Variants in ATP5F1B observed in about 807,000 individuals in gnomAD.
The protein encoded by ATP5F1B is ATP synthase F(1) complex subunit beta, mitochondrial.
A neutral mutation model predicts 45.9 loss-of-function variants in ATP5F1B; 17 were observed. That is an observed-to-expected ratio of 0.37 (90% CI 0.25 to 0.56). The LOEUF (loss-of-function observed/expected upper bound fraction) is 0.56, where lower values mean the gene tolerates loss of function less well. ATP5F1B is among the 20% of genes least tolerant of loss of function. The pLI is 0.80. For synonymous variants in ATP5F1B, 218 were observed against 256.5 expected (o/e 0.85, Z 1.43); for missense variants, 387 against 673.2 (o/e 0.57, Z 4.70).
chr12:56,644,998 T>A (rs780549377), intron 2 of ATP5F1B, 43 bp from the exon 3 acceptor site: 1 of 1,613,946 alleles, frequency 6.2e-7, no homozygotes, highest in East Asian at 2.2e-5. Context: ...AAGGATAAAT[T>A]GGTATCAAGA....
intron 1 of ATP5F1B, 43 bp downstream of exon 1, chr12:56,645,794 G>C (rs752067018): frequency 3.8e-6 from 6 of 1,595,882 alleles, no homozygotes; most frequent in Non-Finnish European, 4.3e-6. Context: ...CAAGGTCATG[G>C]GGCGGCAAAA....
At position 56,645,878 on chromosome 12, in the gene ATP5F1B, G is replaced by A. The variant is rs749478722; in HGVS notation, c.86C>T (p.Ala29Val). The A allele has an allele frequency of 4.7e-5, 76 of 1,608,762 alleles. No homozygotes were observed. In the East Asian group the frequency reaches 6.3e-4, roughly 13 times the overall value. The change falls in exon 1 of 10, where the codon GCT (alanine) becomes GTT (valine). Residue 29 changes from alanine to valine, a missense_variant. Transcript: ENST00000262030. The part of the protein sequence containing the change: ...RLTPSASLPP[A>V]QLLLRAAPTA... ...CGGAGCGGCCCGCAGTAAGAGCTGA[G>A]CTGGGGGCAGCGACGCTGAAGGGGT... is the stretch of plus-strand genomic sequence containing the variant.
In ATP5F1B at chr12:56,645,301, G is replaced by A. The variant is rs779507250; in HGVS notation, c.180C>T (p.Thr60=). Residue 60 remains threonine (T), a synonymous_variant, in exon 2 of 10, where the codon ACC becomes ACT. Coordinates refer to ENST00000262030, the MANE Select transcript of ATP5F1B (RefSeq NM_001686.4). Reference sequence around the variant, plus strand: ...CGCCAATGACCGCCACGATGCGCCCGGTGGCGGCGCCTGCTTTTGGCGAAG... The same window carrying A: ...CGCCAATGACCGCCACGATGCGCCCAGTGGCGGCGCCTGCTTTTGGCGAAG... ...TSPSPKAGAA[T]GRIVAVIGAV... The A allele has an allele frequency of 3.1e-6, 5 of 1,614,190 alleles. No individual in the cohort carries two copies. Among genetic ancestry groups the A allele is most frequent in the Non-Finnish European group, 4.2e-6 (5 of 1,180,016 alleles).
chr12:56,645,149 A>C, intron 2 of ATP5F1B, 22 bp downstream of exon 2: 1 of 1,614,000 alleles, frequency 6.2e-7, no homozygotes, highest in Non-Finnish European at 8.5e-7. Flanking sequence ...GGTCTTTACT[A>C]TTCCTAACAA....
intron 8 of ATP5F1B, 39 bp downstream of exon 8, chr12:56,639,941 G>T (rs1474941684): frequency 5.6e-6 from 9 of 1,604,194 alleles, no homozygotes; most frequent in Non-Finnish European, 7.7e-6. Context: ...CCCTCTTTTT[G>T]ACTTTCCGGA....
intron 2 of ATP5F1B, 62 bp from the exon 3 acceptor site, chr12:56,645,017 G>A (rs748522106): frequency 6.2e-7 from 1 of 1,611,138 alleles, no homozygotes; most frequent in Non-Finnish European, 8.5e-7. Flanking sequence ...GACCTAAATC[G>A]ACCAAGACTC....
At chr12:56,639,019 G>C in intron 9 of ATP5F1B, 87 bp downstream of exon 9, 1 of 1,237,076 alleles carries the variant, frequency 8.1e-7, no homozygotes, top group Non-Finnish European at 1.2e-6. Flanking sequence ...ATATAATTAA[G>C]CATAGTATAT....
At chr12:56,643,255 C>T (rs2137546134) in intron 5 of ATP5F1B, 148 bp downstream of exon 5, 1 of 663,952 alleles carries the variant, frequency 1.5e-6, no homozygotes, top group East Asian at 3.0e-5. Context: ...AACAGGTTTC[C>T]TTTGTAGGCC....
At chr12:56,643,002 T>C (rs1951523806) in intron 5 of ATP5F1B, 171 bp from the exon 6 acceptor site, 4 of 698,240 alleles carry the variant, frequency 5.7e-6, no homozygotes, top group Non-Finnish European at 9.2e-6. Context: ...AAAAGACAGC[T>C]TCTTATATTA....
intron 7 of ATP5F1B, among the ~76,000 whole-genome samples, chr12:56,642,110 C>A (rs865957545): frequency 1.3e-5 from 2 of 152,020 alleles, no homozygotes; most frequent in Non-Finnish European, 1.5e-5. Flanking sequence ...GATTCTCCTG[C>A]CTCAGCCTCT....
chr12:56,645,888 G>A lies in ATP5F1B; in HGVS notation c.76C>T (p.Leu26=), dbSNP rs1165290343. 3 of 1,608,400 alleles carry A rather than the reference G, an allele frequency of 1.9e-6. No individual in the cohort carries two copies. Among genetic ancestry groups the A allele is most frequent in the Middle Eastern group, 1.7e-4 (1 of 6,056 alleles). ...CGCAGTAAGAGCTGAGCTGGGGGCA[G>A]CGACGCTGAAGGGGTGAGTCTCCGC... ...ALRRLTPSAS[L]PPAQLLLRAA... The change falls in exon 1 of 10, where the codon CTG becomes TTG. Residue 26 remains leucine, a synonymous_variant. Coordinates refer to ENST00000262030, the MANE Select transcript of ATP5F1B (RefSeq NM_001686.4).
In ATP5F1B at chr12:56,645,164, T is replaced by C; in HGVS notation, c.310+7A>G. The stretch of plus-strand genomic sequence containing the variant: ...GGTCTTTACTATTCCTAACAAACTC[T>C]ACTTACCCAAATGCTGGGCCACCTC... On this transcript the variant is annotated splice_region_variant and intron_variant, in intron 2 of 9. Transcript: ENST00000262030. 1 of 1,614,102 alleles carries C rather than the reference T, an allele frequency of 6.2e-7. No individual in the cohort carries two copies. The highest frequency in any genetic ancestry group is 1.1e-5 in the South Asian group (1 of 91,088).
chr12:56,641,343 A>G lies in ATP5F1B; in HGVS notation c.1074+1115T>C, dbSNP rs542603941. 9.3e-5 allele frequency among the ~76,000 whole-genome samples: 14 copies of G among 151,222 alleles called. No homozygotes were observed. In the East Asian group the frequency reaches 1.2e-3, roughly 13 times the overall value. On this transcript the variant is annotated intron_variant, in intron 7 of 9. Coordinates refer to ENST00000262030, the MANE Select transcript of ATP5F1B (RefSeq NM_001686.4). ...CACCCATTGCACTCCAGCCTGGGCA[A>G]TAAGAGTGAAACTCCGTCTCAAAAA...
At chr12:56,641,065 A>T (rs1415940114) in intron 7 of ATP5F1B, among the ~76,000 whole-genome samples, 1 of 151,068 alleles carries the variant, frequency 6.6e-6, no homozygotes, top group East Asian at 1.9e-4. Flanking sequence ...ATTAAAAAAA[A>T]TAAAAAAATA....
chr12:56,643,029 G>T (rs1048274030), intron 5 of ATP5F1B, 198 bp from the exon 6 acceptor site: 8 of 594,448 alleles, frequency 1.3e-5, no homozygotes, highest in African/African-American at 1.3e-4. Flanking sequence ...CAAAACTATA[G>T]TAGAAAGGAA....
In ATP5F1B at chr12:56,642,390, T is replaced by G; in HGVS notation, c.1074+68A>C. 3 of 1,596,022 alleles carry G rather than the reference T, an allele frequency of 1.9e-6. No individual in the cohort carries two copies. In the South Asian group the frequency reaches 3.4e-5, roughly 18 times the overall value. ...AATCTTCCTGCCTCAGCCTCCTCAG[T>G]AGCTGAGATGCACCACTGCACCCTG... On this transcript the variant is annotated intron_variant, in intron 7 of 9. Transcript: ENST00000262030.
In ATP5F1B at chr12:56,639,129, T is replaced by C. The variant is rs774311995; in HGVS notation, c.1466A>G (p.Lys489Arg). The C allele has an allele frequency of 3.1e-6, 5 of 1,614,060 alleles. No individual in the cohort carries two copies. The highest frequency in any genetic ancestry group is 1.3e-5 in the African/African-American group (1 of 75,040). Residue 489 changes from lysine (K) to arginine (R), a missense_variant, in exon 9 of 10, where the codon AAA becomes AGA. Around this residue, in one of 6 missense-constraint regions of ATP5F1B, gnomAD observed 154 missense variants for 361.4 expected, o/e 0.43. Coordinates refer to ENST00000262030, the MANE Select transcript of ATP5F1B (RefSeq NM_001686.4). ...GKLVPLKETI[K>R]GFQQILAGEY... is the part of the protein sequence containing the mutation. ...ACCTGCCAAAATCTGCTGGAATCCT[T>C]TGATGGTCTCCTTCAGGGGTACCAG...
chr12:56,640,498 G>A (rs1951504024), intron 7 of ATP5F1B, among the ~76,000 whole-genome samples: 1 of 152,022 alleles, frequency 6.6e-6, no homozygotes, highest in Non-Finnish European at 1.5e-5. Flanking sequence ...AAAGTGTTGG[G>A]ATTATAGGCG....
At position 56,645,264 on chromosome 12, in the gene ATP5F1B, C is replaced by T; in HGVS notation, c.217G>A (p.Val73Ile). 6.2e-7 allele frequency: 1 copy of T among 1,614,248 alleles called. No homozygotes were observed. Among genetic ancestry groups the T allele is most frequent in the Non-Finnish European group, 8.5e-7 (1 of 1,180,044 alleles). The change falls in exon 2 of 10, where the codon GTC (valine) becomes ATC (isoleucine). Residue 73 changes from valine (V) to isoleucine (I), a missense_variant. This residue lies in a region of ATP5F1B where 113 missense variants were observed against 168.0 expected (regional missense o/e 0.67). Transcript: ENST00000262030. ...IVAVIGAVVDVQFDEGLPPIL... is the reference protein window; with the variant it reads ...IVAVIGAVVDIQFDEGLPPIL... ...GGTGGTAGTCCCTCATCAAACTGGA[C>T]GTCCACCACTGCGCCAATGACCGCC...
Sources: allele counts gnomAD v4.1 joint callset (sites outside exome capture counted in the v4.1 genomes callset), GRCh38; gene constraint gnomAD v4.1.1; regional missense constraint gnomAD v4.1.1; transcripts MANE v1.5; gene names NCBI Gene and HGNC (gene_info 2026-07-23, HGNC 2026-07-21).